Variants in MYO6 observed in about 807,000 individuals in gnomAD.
The protein encoded by MYO6 is myosin VI.
A neutral mutation model predicts 178.7 loss-of-function variants in MYO6; 74 were observed. That is an observed-to-expected ratio of 0.41 (90% confidence interval 0.34 to 0.50). The LOEUF (loss-of-function observed/expected upper bound fraction) is 0.50. Ranked by LOEUF, MYO6 falls within the 20% of genes least tolerant of loss-of-function variation. MYO6 has a pLI of 0.09. For synonymous variants in MYO6, 477 were observed against 504.6 expected (o/e 0.95, Z 0.73); for missense variants, 1,330 against 1,547.4 (o/e 0.86, Z 2.36).
intron 22 of MYO6, 38 bp from the exon 23 acceptor site, chr6:75,881,651 A>G: frequency 1.3e-6 from 2 of 1,594,432 alleles, no homozygotes; most frequent in Non-Finnish European, 1.7e-6. Context: ...AAATGCATTT[A>G]TATTTTAATA....
At chr6:75,865,489 G>A (rs1317730936) in intron 16 of MYO6, among the ~76,000 whole-genome samples, 1 of 146,942 alleles carries the variant, frequency 6.8e-6, no homozygotes, top group Non-Finnish European at 1.5e-5. Context: ...TTAGCCTCTC[G>A]AGTAGCTGGG....
chr6:75,757,381 ATG>A (rs1402364769), intron 1 of MYO6, among the ~76,000 whole-genome samples: 2 of 149,160 alleles, frequency 1.3e-5, no homozygotes, highest in Admixed American at 1.3e-4. Flanking sequence ...GTGTATATAT[ATG>A]TATACACATA....
intron 1 of MYO6, among the ~76,000 whole-genome samples, chr6:75,795,455 A>G (rs1252464083): frequency 6.6e-6 from 1 of 152,106 alleles, no homozygotes; most frequent in Middle Eastern, 3.2e-3. Flanking sequence ...TTGTTTATGA[A>G]AAGTTAACTG....
chr6:75,799,853 A>T (rs896508342), intron 1 of MYO6, among the ~76,000 whole-genome samples: 1 of 152,074 alleles, frequency 6.6e-6, no homozygotes, highest in African/African-American at 2.4e-5. Context: ...TTCTCTGAGT[A>T]TTTCCTGCTT....
chr6:75,820,995 A>C (rs1771814487), intron 2 of MYO6, among the ~76,000 whole-genome samples: 1 of 152,214 alleles, frequency 6.6e-6, no homozygotes, highest in Non-Finnish European at 1.5e-5. Flanking sequence ...CTGAGTGATC[A>C]AGATATGTTT....
chr6:75,892,953 C>A (rs1019048204), intron 28 of MYO6, among the ~76,000 whole-genome samples: 3 of 151,888 alleles, frequency 2.0e-5, no homozygotes, highest in East Asian at 1.9e-4. Flanking sequence ...AATATATCAA[C>A]CTTTACCCTG....
At chr6:75,859,229 T>G (rs1233923559) in intron 14 of MYO6, among the ~76,000 whole-genome samples, 1 of 152,114 alleles carries the variant, frequency 6.6e-6, no homozygotes, top group Non-Finnish European at 1.5e-5. Flanking sequence ...TCCTCAGAAG[T>G]GAACATCTGT....
chr6:75,802,683 C>A (rs1453045484), intron 1 of MYO6, among the ~76,000 whole-genome samples: 1 of 151,834 alleles, frequency 6.6e-6, no homozygotes, highest in Non-Finnish European at 1.5e-5. Context: ...ACAGGGATCT[C>A]ACTTTGTTGC....
chr6:75,868,439 C>A (rs973756771), intron 18 of MYO6, among the ~76,000 whole-genome samples: 4 of 151,856 alleles, frequency 2.6e-5, no homozygotes, highest in African/African-American at 9.7e-5. Context: ...TGTAGTATTG[C>A]TGATAAGAGC....
chr6:75,905,590 G>A (rs186505296), intron 30 of MYO6, among the ~76,000 whole-genome samples: 41 of 152,302 alleles, frequency 2.7e-4, no homozygotes, highest in Admixed American at 2.0e-3. Flanking sequence ...CACACGGTGC[G>A]CGCACCCACT....
intron 32 of MYO6, among the ~76,000 whole-genome samples, chr6:75,910,362 C>T (rs1780671371): frequency 6.6e-6 from 1 of 152,092 alleles, no homozygotes; most frequent in East Asian, 1.9e-4. Context: ...TAATATTTGG[C>T]ACACACATTT....
chr6:75,876,718 C>G (rs745990542), intron 20 of MYO6, among the ~76,000 whole-genome samples: 19 of 152,068 alleles, frequency 1.2e-4, no homozygotes, highest in Non-Finnish European at 2.5e-4. Context: ...GGCACTTTAA[C>G]AGATAATACC....
chr6:75,785,817 C>T lies in MYO6; in HGVS notation c.-47-31684C>T, dbSNP rs73460988. Reference sequence around the variant, plus strand: ...CCCCAAGTGGATATCCAGTTGTCCCCGTGGCATTTATTGAAAAGTTCATCT... The same window carrying T: ...CCCCAAGTGGATATCCAGTTGTCCCTGTGGCATTTATTGAAAAGTTCATCT... On this transcript the variant is annotated intron_variant, in intron 1 of 34. Transcript: ENST00000369977. 1.1e-3 allele frequency among the ~76,000 whole-genome samples: 166 copies of T among 152,032 alleles called. 1 individual carries two copies. The highest frequency in any genetic ancestry group is 3.6e-3 in the African/African-American group (151 of 41,498).
At chr6:75,845,845 G>C (rs1774682666) in intron 10 of MYO6, among the ~76,000 whole-genome samples, 1 of 151,964 alleles carries the variant, frequency 6.6e-6, no homozygotes, top group Admixed American at 6.6e-5. Flanking sequence ...AAATTAGCCA[G>C]GTGTCGTGGT....
At chr6:75,812,383 C>T (rs950882703) in intron 1 of MYO6, among the ~76,000 whole-genome samples, 8 of 152,206 alleles carry the variant, frequency 5.3e-5, no homozygotes, top group Admixed American at 5.2e-4. Context: ...TACAGGCGTA[C>T]AGTGTGCCAT....
rs1781182675 is a variant in MYO6 at position 75,917,512 on chromosome 6, T to C, written c.*2500T>C. On this transcript the variant is annotated 3_prime_UTR_variant, in exon 35 of 35. Coordinates refer to ENST00000369977, the MANE Select transcript of MYO6 (RefSeq NM_004999.4). ...CTAATCCACGTATGTTAAGAGAATA[T>C]TGAGTTTTCTTAGTTGTAAAGTTGG... The C allele has an allele frequency of 6.6e-6, 1 of 152,258 alleles. No homozygotes were observed. Among genetic ancestry groups the C allele is most frequent in the South Asian group, 2.1e-4 (1 of 4,832 alleles). The allele number at this position is 152,258 out of a possible 1,614,324, so 9.4% of individuals were successfully genotyped here. A position where few individuals can be genotyped will look rare whatever the true frequency, so the allele number is the denominator to read the frequency against.
intron 25 of MYO6, among the ~76,000 whole-genome samples, chr6:75,887,479 T>C (rs977126055): frequency 6.6e-6 from 1 of 150,632 alleles, no homozygotes; most frequent in Admixed American, 6.6e-5. Flanking sequence ...CTGTCTCTAC[T>C]AAAAATACAA....
chr6:75,879,915 A>G lies in MYO6; in HGVS notation c.2173A>G (p.Lys725Glu). Residue 725 changes from lysine to glutamate, a missense_variant, in exon 21 of 35, where the codon AAA becomes GAA. Around this residue, in one of 3 missense-constraint regions of MYO6, gnomAD observed 613 missense variants for 816.8 expected, o/e 0.75. Transcript: ENST00000369977. ...CATGTACAAAAAGTATATGCCAGAT[A>G]AACTTGCAAGATTGGATCCAAGACT... ...YNMYKKYMPD[K>E]LARLDPRLFC... The G allele has an allele frequency of 1.2e-6, 2 of 1,614,166 alleles. No homozygotes were observed. The highest frequency in any genetic ancestry group is 1.7e-6 in the Non-Finnish European group (2 of 1,180,000).
Position 75,854,207 on chromosome 6 carries a change from G to A in MYO6, c.1079-932G>A, listed in dbSNP as rs115229910. On this transcript the variant is annotated intron_variant, in intron 11 of 34. Transcript: ENST00000369977. The stretch of plus-strand genomic sequence containing the variant: ...GCACACAAAAAATAAAATGGCACAC[G>A]TGCAGGCTGGATGTGCCAATGGCAG... Among the ~76,000 whole-genome samples the A allele has an allele frequency of 1.6e-3, 240 of 147,920 alleles. 1 individual carries two copies. Among genetic ancestry groups the A allele is most frequent in the African/African-American group, 5.5e-3 (221 of 40,290 alleles).
Sources: gnomAD v4.1 joint callset for allele counts (sites outside exome capture counted in the v4.1 genomes callset) on GRCh38, gnomAD v4.1.1 for gene constraint, gnomAD v4.1.1 regional missense constraint, MANE v1.5 for transcripts, NCBI Gene and HGNC (gene_info 2026-07-23, HGNC 2026-07-21) for gene names.